FNDC3B: variants seen among roughly 807,000 people sequenced by gnomAD.
FNDC3B encodes the protein fibronectin type III domain-containing protein 3B.
FNDC3B carries 12 observed loss-of-function variants against 151.5 expected under a neutral mutation model. The observed-to-expected ratio is 0.08, with a 90% CI of 0.05 to 0.13. The LOEUF (loss-of-function observed/expected upper bound fraction) is 0.13, where lower values mean the gene tolerates loss of function less well. Among genes scored for constraint, FNDC3B ranks in the 10% least tolerant of loss-of-function variants. FNDC3B has a pLI of 1.00. For missense variants in FNDC3B, 1,214 were observed against 1,505.3 expected, an observed-to-expected ratio of 0.81 and a Z score of 3.20; for synonymous variants, 528 against 549.0, an observed-to-expected ratio of 0.96 and a Z score of 0.54.
intron 6 of FNDC3B, among the ~76,000 whole-genome samples, chr3:172,275,283 AAC>A (rs997358494): frequency 1.3e-5 from 2 of 152,170 alleles, no homozygotes; most frequent in African/African-American, 4.8e-5. Context: ...CTTTAAATAG[AAC>A]ACTAGTTTCA....
intron 3 of FNDC3B, among the ~76,000 whole-genome samples, chr3:172,147,725 T>G (rs910180530): frequency 1.3e-5 from 2 of 152,086 alleles, no homozygotes; most frequent in Admixed American, 6.6e-5. Flanking sequence ...ATGTTCAGGG[T>G]GTTACTGATG....
chr3:172,164,795 C>T (rs1322356036), intron 3 of FNDC3B, among the ~76,000 whole-genome samples: 2 of 152,114 alleles, frequency 1.3e-5, no homozygotes, highest in Admixed American at 6.5e-5. Flanking sequence ...AGTAATATAT[C>T]ATCCTGTCAG....
intron 6 of FNDC3B, among the ~76,000 whole-genome samples, chr3:172,268,414 G>A (rs1430320279): frequency 6.6e-6 from 1 of 152,160 alleles, no homozygotes; most frequent in African/African-American, 2.4e-5. Flanking sequence ...TGTATAAATA[G>A]GGCAAGAAGA....
chr3:172,177,626 CTTTTTTT>C (rs10684671), intron 3 of FNDC3B, among the ~76,000 whole-genome samples: 10 of 84,820 alleles, frequency 1.2e-4, no homozygotes, highest in African/African-American at 3.9e-4. Flanking sequence ...TTACCACCAT[CTTTTTTT>C]TTTTTTTTTT....
intron 23 of FNDC3B, among the ~76,000 whole-genome samples, chr3:172,374,518 C>T (rs559461313): frequency 6.6e-6 from 1 of 152,310 alleles, no homozygotes; most frequent in South Asian, 2.1e-4. Flanking sequence ...CCTCAGCCTC[C>T]TGAGTAGCTG....
At chr3:172,377,752 T>C (rs769643563) in intron 23 of FNDC3B, among the ~76,000 whole-genome samples, 3 of 152,186 alleles carry the variant, frequency 2.0e-5, no homozygotes, top group Admixed American at 6.5e-5. Context: ...AAATATCTCC[T>C]TAGCAGTTGA....
chr3:172,315,459 G>A (rs988076141), intron 11 of FNDC3B, among the ~76,000 whole-genome samples: 15 of 152,184 alleles, frequency 9.9e-5, no homozygotes, highest in African/African-American at 3.6e-4. Context: ...AAACAGGTCA[G>A]TTTTTATTAC....
chr3:172,050,349 T>C (rs1716579279), intron 1 of FNDC3B, among the ~76,000 whole-genome samples: 1 of 152,132 alleles, frequency 6.6e-6, no homozygotes, highest in African/African-American at 2.4e-5. Flanking sequence ...TGCAAGGGTG[T>C]GATAGTAATG....
intron 6 of FNDC3B, among the ~76,000 whole-genome samples, chr3:172,272,369 T>A (rs1173633621): frequency 6.6e-6 from 1 of 152,150 alleles, no homozygotes; most frequent in Non-Finnish European, 1.5e-5. Context: ...AGCCAGAAAC[T>A]GCCCTAAGAT....
chr3:172,260,293 A>G (rs1728579487), intron 6 of FNDC3B, among the ~76,000 whole-genome samples: 1 of 152,254 alleles, frequency 6.6e-6, no homozygotes, highest in Non-Finnish European at 1.5e-5. Context: ...TCATCACAAA[A>G]GTGCCATACT....
chr3:172,327,712 T>G (rs924691821), intron 11 of FNDC3B, among the ~76,000 whole-genome samples: 1 of 152,256 alleles, frequency 6.6e-6, no homozygotes, highest in Non-Finnish European at 1.5e-5. Flanking sequence ...CCAGTGTGGT[T>G]GTTTTTAATG....
At chr3:172,396,412 A>C (rs1198560320) in intron 25 of FNDC3B, among the ~76,000 whole-genome samples, 1 of 152,174 alleles carries the variant, frequency 6.6e-6, no homozygotes, top group African/African-American at 2.4e-5. Context: ...TGGAAAATTT[A>C]CATTTTGTTT....
intron 4 of FNDC3B, among the ~76,000 whole-genome samples, chr3:172,234,581 G>A (rs1340390074): frequency 1.3e-5 from 2 of 152,190 alleles, no homozygotes; most frequent in African/African-American, 4.8e-5. Flanking sequence ...CATTACCAAA[G>A]CAGTGTGGCA....
At chr3:172,122,383 G>A (rs572337941) in intron 2 of FNDC3B, among the ~76,000 whole-genome samples, 1 of 152,192 alleles carries the variant, frequency 6.6e-6, no homozygotes, top group South Asian at 2.1e-4. Context: ...GGTAATCTTG[G>A]ATTTAGCTGC....
rs775169168 is a variant in FNDC3B, at chr3:172,343,058, A to C, written c.2019A>C (p.Gln673His). ...PVRTLSIAPGQCRPPRVLGRP... is the reference protein window; with the variant it reads ...PVRTLSIAPGHCRPPRVLGRP... Reference sequence around the variant, plus strand: ...GCACACTAAGCATTGCACCAGGTCAATGTCGACCACCGAGGGTTTTGGGTA... The same window carrying C: ...GCACACTAAGCATTGCACCAGGTCACTGTCGACCACCGAGGGTTTTGGGTA... The change falls in exon 18 of 26, where the codon CAA becomes CAC. Residue 673 changes from glutamine (Q) to histidine (H), a missense_variant. Coordinates refer to ENST00000415807, the MANE Select transcript of FNDC3B (RefSeq NM_022763.4). The C allele has an allele frequency of 6.2e-7, 1 of 1,613,714 alleles. No homozygotes were observed. Among genetic ancestry groups the C allele is most frequent in the Non-Finnish European group, 8.5e-7 (1 of 1,179,740 alleles).
chr3:172,227,131 A>G (rs1726630001), intron 4 of FNDC3B, 184 bp downstream of exon 4: 2 of 529,266 alleles, frequency 3.8e-6, no homozygotes, highest in Admixed American at 6.4e-5. Context: ...CCAGAGAACC[A>G]GAGAAAAGGA....
intron 15 of FNDC3B, chr3:172,335,305 G>T: frequency 2.5e-6 from 1 of 393,122 alleles, no homozygotes; most frequent in South Asian, 5.2e-5. Flanking sequence ...AAATTTTAGT[G>T]GAAATTAAAA....
chr3:172,155,378 G>A (rs1042299290), intron 3 of FNDC3B, among the ~76,000 whole-genome samples: 5 of 152,156 alleles, frequency 3.3e-5, no homozygotes, highest in African/African-American at 1.2e-4. Context: ...CTTAGTTCCT[G>A]GTGTGTCAGT....
chr3:172,307,161 A>C, intron 9 of FNDC3B: 1 of 561,438 alleles, frequency 1.8e-6, no homozygotes, highest in Non-Finnish European at 3.2e-6. Context: ...GCACACACTG[A>C]GACAAATACC....
Sources: allele counts gnomAD v4.1 joint callset (sites outside exome capture counted in the v4.1 genomes callset), GRCh38; gene constraint gnomAD v4.1.1; transcripts MANE v1.5; gene names NCBI Gene and HGNC (gene_info 2026-07-23, HGNC 2026-07-21).